Variants in ACTR3 observed in about 807,000 individuals in gnomAD.
ACTR3 encodes the protein actin-related protein 3.
In ACTR3, 12 loss-of-function variants were observed where a neutral mutation model predicts 56.8. The ratio of observed to expected loss-of-function variants is 0.21; its 90% CI spans 0.14 to 0.34. The LOEUF is 0.34. ACTR3 is among the 10% of genes least tolerant of loss of function. The pLI, the probability that ACTR3 is intolerant of heterozygous loss-of-function variation, is 1.00. For missense variants in ACTR3, 282 were observed against 512.5 expected, an observed-to-expected ratio of 0.55 and a Z score of 4.34; for synonymous variants, 162 against 167.4, an observed-to-expected ratio of 0.97 and a Z score of 0.25.
At chr2:113,892,150 G>A (rs1287693562) in intron 1 of ACTR3, among the ~76,000 whole-genome samples, 1 of 152,110 alleles carries the variant, frequency 6.6e-6, no homozygotes, top group Non-Finnish European at 1.5e-5. Flanking sequence ...TCCCCCTTTT[G>A]AAATAGTTTC....
intron 8 of ACTR3, among the ~76,000 whole-genome samples, chr2:113,945,131 G>A (rs934635473): frequency 6.6e-6 from 1 of 152,176 alleles, no homozygotes; most frequent in Non-Finnish European, 1.5e-5. Context: ...ATAAGGAATT[G>A]TGGTCAGACT....
At chr2:113,950,451 G>A (rs1202812949) in intron 8 of ACTR3, among the ~76,000 whole-genome samples, 1 of 152,168 alleles carries the variant, frequency 6.6e-6, no homozygotes, top group African/African-American at 2.4e-5. Flanking sequence ...AACCTCAATG[G>A]GGAATGTGCA....
chr2:113,954,580 C>A (rs1033260128), intron 10 of ACTR3: 5 of 147,110 alleles, frequency 3.4e-5, no homozygotes, highest in Non-Finnish European at 5.9e-5. Flanking sequence ...TTTAATCCCA[C>A]ATTTTTTTTT....
chr2:113,962,366 A>G lies in ACTR3; in HGVS notation c.*4911A>G, dbSNP rs1680339329. The G allele has an allele frequency of 6.6e-6, 1 of 152,008 alleles. No homozygotes were observed. The highest frequency in any genetic ancestry group is 1.5e-5 in the Non-Finnish European group (1 of 67,906). The allele number at this position is 152,008 out of a possible 1,614,324, so 9.4% of individuals were successfully genotyped here. ...CTGAAATGTAACATTCAACATTAAC[A>G]GTAGAAACAGGCCTCATTTCTCCCT... On this transcript the variant is annotated 3_prime_UTR_variant, in exon 12 of 12. Transcript: ENST00000263238.
chr2:113,920,198 C>G (rs940328826), intron 3 of ACTR3, among the ~76,000 whole-genome samples: 1 of 152,202 alleles, frequency 6.6e-6, no homozygotes, highest in Admixed American at 6.5e-5. Flanking sequence ...GCTGGGATTA[C>G]AGGTGTGAGC....
intron 11 of ACTR3, 43 bp downstream of exon 11, chr2:113,955,749 T>A: frequency 6.8e-7 from 1 of 1,469,614 alleles, no homozygotes. Flanking sequence ...TTATCATTAT[T>A]ATTTTATTTA....
intron 7 of ACTR3, among the ~76,000 whole-genome samples, 165 bp from the exon 8 acceptor site, chr2:113,942,021 A>G (rs561973622): frequency 6.6e-6 from 1 of 152,072 alleles, no homozygotes; most frequent in African/African-American, 2.4e-5. Flanking sequence ...TGTACTACAC[A>G]TATGATAATA....
intron 1 of ACTR3, among the ~76,000 whole-genome samples, chr2:113,894,746 A>AT (rs1678973590): frequency 1.3e-5 from 2 of 152,206 alleles, no homozygotes; most frequent in South Asian, 4.1e-4. Flanking sequence ...TGTGACAGCT[A>AT]TTTTTTAACC....
At position 113,957,491 on chromosome 2, in the gene ACTR3, G is replaced by A. The variant is rs762731617; in HGVS notation, c.*36G>A. ...ATAGTTATTGGGGTTAGGGAGGTGGGGAAGAGATAATCTTTCTGATTACCT... is the reference window on the plus strand; with the variant it reads ...ATAGTTATTGGGGTTAGGGAGGTGGAGAAGAGATAATCTTTCTGATTACCT... On this transcript the variant is annotated 3_prime_UTR_variant, in exon 12 of 12. Transcript: ENST00000263238. 2.6e-6 allele frequency: 4 copies of A among 1,545,704 alleles called. No individual in the cohort carries two copies. The South Asian group carries it at 3.4e-5, about 13-fold the overall frequency.
chr2:113,927,333 T>C lies in ACTR3; in HGVS notation c.226-12T>C. On this transcript the variant is annotated splice_polypyrimidine_tract_variant and intron_variant, in intron 3 of 11. Transcript: ENST00000263238. ...TAAGATTTAATTTGTATTTCCCTTT[T>C]TGTTTTAATAGTGGCCAATCCGCCA... 1 of 1,510,918 alleles carries C rather than the reference T, an allele frequency of 6.6e-7. No individual in the cohort carries two copies. The allele number at this position is 1,510,918 out of a possible 1,614,324, so 93.6% of individuals were successfully genotyped here.
At chr2:113,890,414 CG>C in intron 1 of ACTR3, 91 bp downstream of exon 1, 1 of 1,371,822 alleles carries the variant, frequency 7.3e-7, no homozygotes, top group East Asian at 2.8e-5. Flanking sequence ...AATGGTGCGG[CG>C]AGGTGCCGCC....
upstream of ACTR3, chr2:113,890,085 C>G (rs888290223): frequency 7.8e-6 from 5 of 642,170 alleles, no homozygotes; most frequent in Admixed American, 4.8e-5. Flanking sequence ...GCCTGCCTGC[C>G]TGGGTTGCGG....
At chr2:113,893,525 C>G (rs2104577041) in intron 1 of ACTR3, among the ~76,000 whole-genome samples, 1 of 152,232 alleles carries the variant, frequency 6.6e-6, no homozygotes, top group South Asian at 2.1e-4. Flanking sequence ...ATCTCCTGAC[C>G]TCGTGATCCA....
chr2:113,938,059 T>G lies in ACTR3; in HGVS notation c.541-1900T>G, dbSNP rs1679859894. Among the ~76,000 whole-genome samples the G allele has an allele frequency of 2.0e-5, 3 of 152,078 alleles. 1 individual carries two copies. Among genetic ancestry groups the G allele is most frequent in the Admixed American group, 2.0e-4 (3 of 15,278 alleles). ...AATCTTTTTCTTTTTTTTGGATAGT[T>G]TTTATTGCTCTGTCTTCAAATTCAC... On this transcript the variant is annotated intron_variant, in intron 6 of 11. Coordinates refer to ENST00000263238, the MANE Select transcript of ACTR3 (RefSeq NM_005721.5).
chr2:113,935,181 A>T (rs986114440), intron 6 of ACTR3, among the ~76,000 whole-genome samples: 3 of 152,172 alleles, frequency 2.0e-5, no homozygotes, highest in Non-Finnish European at 4.4e-5. Flanking sequence ...GGTTTTAGTA[A>T]TAACTGCCAT....
intron 4 of ACTR3, among the ~76,000 whole-genome samples, chr2:113,930,708 C>T (rs1034699152): frequency 1.5e-4 from 23 of 152,126 alleles, no homozygotes; most frequent in Non-Finnish European, 8.8e-5. Flanking sequence ...CCAGACTTAA[C>T]CTGTGAGGTT....
chr2:113,955,782 T>C (rs1680200584), intron 11 of ACTR3, 76 bp downstream of exon 11: 8 of 1,226,076 alleles, frequency 6.5e-6, no homozygotes, highest in Non-Finnish European at 9.2e-6. Context: ...ACTTTCGCTC[T>C]TGTCACCCAG....
chr2:113,934,099 G>A (rs1679776255), intron 5 of ACTR3, 180 bp from the exon 6 acceptor site: 1 of 549,620 alleles, frequency 1.8e-6, no homozygotes. Context: ...ATAAAATGTA[G>A]GGAGTGAGCT....
At chr2:113,900,960 T>C (rs1272919961) in intron 1 of ACTR3, among the ~76,000 whole-genome samples, 1 of 152,232 alleles carries the variant, frequency 6.6e-6, no homozygotes, top group Admixed American at 6.5e-5. Flanking sequence ...CTGTTTATCT[T>C]TATAGCTAAT....
Sources: allele counts gnomAD v4.1 joint callset (sites outside exome capture counted in the v4.1 genomes callset), GRCh38; gene constraint gnomAD v4.1.1; transcripts MANE v1.5; gene names NCBI Gene and HGNC (gene_info 2026-07-23, HGNC 2026-07-21).